Variants in U2AF1L4 observed in about 807,000 individuals in gnomAD.
The protein encoded by U2AF1L4 is U2 small nuclear RNA auxiliary factor 1 like 4.
Under a neutral mutation model 21.7 loss-of-function variants are expected in U2AF1L4, and 21 were observed. The ratio of observed to expected loss-of-function variants is 0.97; its 90% CI spans 0.69 to 1.39. U2AF1L4 has a LOEUF of 1.39. Ranked by LOEUF, U2AF1L4 falls within the 40% of genes most tolerant of loss-of-function variation. U2AF1L4 has a pLI of 0.00. For synonymous variants in U2AF1L4, 92 were observed against 89.7 expected (o/e 1.03, Z -0.15); for missense variants, 259 against 245.7 (o/e 1.05, Z -0.36).
At chr19:35,744,561 G>T in intron 2 of U2AF1L4, 140 bp from the exon 3 acceptor site, 1 of 1,563,030 alleles carries the variant, frequency 6.4e-7, no homozygotes. Context: ...GGCGGGCAGG[G>T]TGGAATCAGA....
chr19:35,743,018 G>A (rs1238704129), intron 5 of U2AF1L4: 3 of 610,124 alleles, frequency 4.9e-6, no homozygotes, highest in African/African-American at 1.9e-5. Flanking sequence ...AGGCTGGTTT[G>A]GGGATTGGGA....
chr19:35,742,529 G>T lies in U2AF1L4; in HGVS notation c.*190C>A. 1 of 1,608,100 alleles carries T rather than the reference G, an allele frequency of 6.2e-7. No individual in the cohort carries two copies. On this transcript the variant is annotated 3_prime_UTR_variant, in exon 6 of 6. Transcript: ENST00000378975. ...TGCCAAACCACAGCAAAAGCAAGTT[G>T]ATGCCGAAGTGAAACACGCAGCTTT... is the stretch of plus-strand genomic sequence containing the variant.
At chr19:35,743,248 C>A in intron 5 of U2AF1L4, 1 of 280,296 alleles carries the variant, frequency 3.6e-6, no homozygotes, top group African/African-American at 2.4e-5. Flanking sequence ...TGGCAGGTGC[C>A]TATAATCCCA....
At chr19:35,743,764 G>T (rs756133904) in intron 5 of U2AF1L4, 45 bp downstream of exon 5, 3 of 1,521,658 alleles carry the variant, frequency 2.0e-6, no homozygotes, top group Non-Finnish European at 2.7e-6. Context: ...GAGGATATAG[G>T]GGCCTTAGGA....
At chr19:35,744,621 C>T (rs1970477186) in intron 2 of U2AF1L4, 200 bp from the exon 3 acceptor site, 1 of 1,536,890 alleles carries the variant, frequency 6.5e-7, no homozygotes. Context: ...TGGTCCCTTA[C>T]TCACAGTGTG....
intron 2 of U2AF1L4, 162 bp from the exon 3 acceptor site, chr19:35,744,583 T>C (rs899347243): frequency 6.5e-7 from 1 of 1,543,812 alleles, no homozygotes. Flanking sequence ...TGTAGCCTAC[T>C]GGGGGCTGTT....
rs561974214 is a variant in U2AF1L4 at position 35,743,978 on chromosome 19, T to A, written c.365+34A>T. The A allele has an allele frequency of 3.9e-5, 63 of 1,609,602 alleles. No homozygotes were observed. In the South Asian group the frequency reaches 6.9e-4, roughly 18 times the overall value. Reference sequence around the variant, plus strand: ...CTACCACGCATTCAAAGTCTGGGATTCCAAGTGCCCATCCCACCCTTGAAC... The same window carrying A: ...CTACCACGCATTCAAAGTCTGGGATACCAAGTGCCCATCCCACCCTTGAAC... On this transcript the variant is annotated intron_variant, in intron 4 of 5. Transcript: ENST00000378975.
chr19:35,742,912 TAG>T, intron 5 of U2AF1L4, 109 bp from the exon 6 acceptor site: 1 of 1,058,452 alleles, frequency 9.4e-7, no homozygotes, highest in South Asian at 1.3e-5. Flanking sequence ...CTGAAATAAC[TAG>T]AGTTCTAAGA....
At chr19:35,744,673 A>G (rs1167891325) in intron 2 of U2AF1L4, 2 of 1,536,106 alleles carry the variant, frequency 1.3e-6, no homozygotes, top group East Asian at 2.4e-5. Flanking sequence ...ATTCCGGTAC[A>G]GGTTGAGCAG....
At chr19:35,744,220 G>A (rs1970443363) in intron 3 of U2AF1L4, 75 bp from the exon 4 acceptor site, 1 of 1,604,938 alleles carries the variant, frequency 6.2e-7, no homozygotes, top group African/African-American at 1.3e-5. Context: ...CTCTGGGGCT[G>A]GACTGGATTT....
chr19:35,743,148 G>A (rs1970349325), intron 5 of U2AF1L4: 1 of 337,600 alleles, frequency 3.0e-6, no homozygotes, highest in Admixed American at 4.9e-5. Context: ...CGAGATGGGT[G>A]GATTACCTGA....
chr19:35,745,023 A>C, intron 2 of U2AF1L4, 102 bp downstream of exon 2: 5 of 1,154,850 alleles, frequency 4.3e-6, no homozygotes, highest in South Asian at 2.7e-5. Flanking sequence ...GGCGGTGGGG[A>C]GGGACTCAGG....
chr19:35,745,261 G>A, intron 1 of U2AF1L4, 49 bp from the exon 2 acceptor site: 1 of 1,605,832 alleles, frequency 6.2e-7, no homozygotes, highest in Non-Finnish European at 8.5e-7. Flanking sequence ...GGGAAGCTGG[G>A]CACCCCAGAA....
At position 35,743,867 on chromosome 19, in the gene U2AF1L4, G is replaced by C; in HGVS notation, c.403C>G (p.Leu135Val). Residue 135 changes from leucine to valine, a missense_variant, in exon 5 of 6, where the codon CTG becomes GTG. By Grantham distance (32) the Leu-to-Val change is conservative. Transcript: ENST00000378975. ...TGGAGGTTCTGGGAAATGGGCCGCA[G>C]ATGCATGAAGTTGCAGAAGCCACCT... ...TRGGFCNFMH[L>V]RPISQNLQRQ... 1 of 1,613,688 alleles carries C rather than the reference G, an allele frequency of 6.2e-7. No individual in the cohort carries two copies. The highest frequency in any genetic ancestry group is 8.5e-7 in the Non-Finnish European group (1 of 1,179,826).
chr19:35,743,516 C>A, intron 5 of U2AF1L4: 1 of 415,340 alleles, frequency 2.4e-6, no homozygotes, highest in Non-Finnish European at 4.5e-6. Flanking sequence ...GGTGAAACCC[C>A]ATCTCTACTA....
chr19:35,743,793 G>A lies in U2AF1L4; in HGVS notation c.461+16C>T, dbSNP rs1348418223. ...CTTAGGACATGAGGAGACATAGCAG[G>A]CTGGTCCTGAGGTACCTGCGCCTGG... On this transcript the variant is annotated intron_variant, in intron 5 of 5. Coordinates refer to ENST00000378975, the MANE Select transcript of U2AF1L4 (RefSeq NM_001040425.3). 1.9e-6 allele frequency: 3 copies of A among 1,601,556 alleles called. No individual in the cohort carries two copies. Among genetic ancestry groups the A allele is most frequent in the Non-Finnish European group, 2.6e-6 (3 of 1,173,742 alleles).
Position 35,742,777 on chromosome 19 carries a change from T to G in U2AF1L4, c.488A>C (p.His163Pro), listed in dbSNP as rs757904576. The G allele has an allele frequency of 6.2e-7, 1 of 1,610,320 alleles. No homozygotes were observed. The highest frequency in any genetic ancestry group is 1.7e-5 in the Admixed American group (1 of 59,188). Reference protein sequence around the residue: ...RRSPPRFHTGHHPRERNHRCS... With the variant: ...RRSPPRFHTGPHPRERNHRCS... Reference sequence around the variant, plus strand: ...CCGATGGTTCCTCTCTCGGGGATGGTGGCCAGTATGGAACCTCGGGGGTGA... The same window carrying G: ...CCGATGGTTCCTCTCTCGGGGATGGGGGCCAGTATGGAACCTCGGGGGTGA... Residue 163 changes from histidine (H) to proline (P), a missense_variant, in exon 6 of 6, where the codon CAC becomes CCC. By Grantham distance (77) the His-to-Pro change is moderately conservative. Coordinates refer to ENST00000378975, the MANE Select transcript of U2AF1L4 (RefSeq NM_001040425.3).
rs1380696603 is a variant in U2AF1L4 at position 35,742,604 on chromosome 19, T to C, written c.*115A>G. 12 of 1,613,604 alleles carry C rather than the reference T, an allele frequency of 7.4e-6. No homozygotes were observed. Among genetic ancestry groups the C allele is most frequent in the African/African-American group, 1.3e-5 (1 of 74,836 alleles). On this transcript the variant is annotated 3_prime_UTR_variant, in exon 6 of 6. Transcript: ENST00000378975. Reference sequence around the variant, plus strand: ...GGTCTCCATGCTGAACAGATTACATTATGGAGCCCGGGAGCCTGGGAAGGA... The same window carrying C: ...GGTCTCCATGCTGAACAGATTACATCATGGAGCCCGGGAGCCTGGGAAGGA...
rs956573553 is a variant in U2AF1L4 at position 35,744,650 on chromosome 19, C to T, written c.133-229G>A. ...CAGTGTGATCCGTCTGCAGTTTGGG[C>T]TGTGTTCTGTGGATTCCGGTACAGG... On this transcript the variant is annotated intron_variant, in intron 2 of 5. Coordinates refer to ENST00000378975, the MANE Select transcript of U2AF1L4 (RefSeq NM_001040425.3). 6 of 1,536,296 alleles carry T rather than the reference C, an allele frequency of 3.9e-6. No individual in the cohort carries two copies. The Middle Eastern group carries it at 6.7e-4, about 171-fold the overall frequency.
Sources: allele counts gnomAD v4.1 joint callset, GRCh38; gene constraint gnomAD v4.1.1; transcripts MANE v1.5; gene names NCBI Gene and HGNC (gene_info 2026-07-23, HGNC 2026-07-21).